The following IGF2R variants were observed in gnomAD, a reference collection of about 807,000 sequenced individuals.
IGF2R encodes cation-independent mannose-6-phosphate receptor.
A neutral mutation model predicts 270.6 loss-of-function variants in IGF2R; 91 were observed. The ratio of observed to expected loss-of-function variants is 0.34; its 90% confidence interval spans 0.28 to 0.40. The LOEUF is 0.40. Among genes scored for constraint, IGF2R ranks in the 10% least tolerant of loss-of-function variants. IGF2R has a pLI of 1.00. For missense variants in IGF2R, 2,805 were observed against 3,188.3 expected, an observed-to-expected ratio of 0.88 and a Z score of 2.90; for synonymous variants, 1,316 against 1,258.9, an observed-to-expected ratio of 1.05 and a Z score of -0.96.
At chr6:160,010,636 C>G in intron 3 of IGF2R, 51 bp from the exon 4 acceptor site, 1 of 1,108,564 alleles carries the variant, frequency 9.0e-7, no homozygotes, top group East Asian at 2.4e-5. Flanking sequence ...AAAGAAGAAT[C>G]TTTACAATGT....
rs1350396726 is a variant in IGF2R, at chr6:160,105,592, A to G, written c.*508A>G. On this transcript the variant is annotated 3_prime_UTR_variant, in exon 48 of 48. Transcript: ENST00000356956. ...CTTGAGATGGTGAGGCTGTCAGTGTATGGGGCAGCTTCCGGCGGGATGTTG... is the reference window on the plus strand; with the variant it reads ...CTTGAGATGGTGAGGCTGTCAGTGTGTGGGGCAGCTTCCGGCGGGATGTTG... The G allele has an allele frequency of 1.3e-5, 2 of 154,482 alleles. No homozygotes were observed. The highest frequency in any genetic ancestry group is 4.8e-5 in the African/African-American group (2 of 41,382). The allele number at this position is 154,482 out of a possible 1,614,324, so 9.6% of individuals were successfully genotyped here.
At chr6:160,047,734 T>A in intron 16 of IGF2R, 58 bp from the exon 17 acceptor site, 2 of 1,083,470 alleles carry the variant, frequency 1.8e-6, no homozygotes, top group Non-Finnish European at 2.9e-6. Flanking sequence ...TGAATCCTGG[T>A]TTTATGTCAC....
At chr6:160,079,508 T>C (rs1010128362) in intron 37 of IGF2R, 72 bp from the exon 38 acceptor site, 5 of 1,082,756 alleles carry the variant, frequency 4.6e-6, no homozygotes, top group Non-Finnish European at 6.1e-6. Context: ...TCAGCTGCAA[T>C]AGTGGTTCTC....
intron 2 of IGF2R, among the ~76,000 whole-genome samples, chr6:159,993,763 A>G (rs942590311): frequency 6.6e-6 from 1 of 152,178 alleles, no homozygotes; most frequent in East Asian, 1.9e-4. Context: ...TCTGTGAAAA[A>G]TGACATTGGT....
At chr6:160,095,618 G>T (rs1779339500) in intron 44 of IGF2R, 1 of 152,188 alleles carries the variant, frequency 6.6e-6, no homozygotes, top group Non-Finnish European at 1.5e-5. Context: ...TAATCCCTTA[G>T]AAACAAGAGG....
At chr6:160,072,550 G>A (rs1035608110) in intron 32 of IGF2R, among the ~76,000 whole-genome samples, 2 of 152,194 alleles carry the variant, frequency 1.3e-5, no homozygotes, top group African/African-American at 4.8e-5. Context: ...TGTGAGCCAC[G>A]ATCTTTTCAG....
At position 160,009,985 on chromosome 6, in the gene IGF2R, C is replaced by CTTAAA. The variant is rs57778954; in HGVS notation, c.415-702_415-701insTTAAA. Among the ~76,000 whole-genome samples the CTTAAA allele has an allele frequency of 5.9e-5, 9 of 151,482 alleles. No homozygotes were observed. The East Asian group carries it at 1.2e-3, about 20-fold the overall frequency. On this transcript the variant is annotated intron_variant, in intron 3 of 47. Transcript: ENST00000356956. The stretch of plus-strand genomic sequence containing the variant: ...ATTGCATCGTTGTGCATATTGAGAC[C>CTTAAA]CAAAAAAGAATCTGTTCGCAGCAGC...
At chr6:160,013,543 C>G (rs1490528916) in intron 4 of IGF2R, among the ~76,000 whole-genome samples, 2 of 151,904 alleles carry the variant, frequency 1.3e-5, no homozygotes, top group Non-Finnish European at 2.9e-5. Flanking sequence ...ATTGAAGATG[C>G]ATGAGAAACA....
rs777764693 is a variant in IGF2R, at chr6:160,096,423, C to T, written c.6656-16C>T. ...AATGATGGTGACATGCCATGTGTGC[C>T]CTTCCCGTTTGACAGACGGCGATCT... On this transcript the variant is annotated splice_polypyrimidine_tract_variant and intron_variant, in intron 44 of 47. Coordinates refer to ENST00000356956, the MANE Select transcript of IGF2R (RefSeq NM_000876.4). The T allele has an allele frequency of 3.1e-6, 5 of 1,603,378 alleles. No individual in the cohort carries two copies. The Admixed American group carries it at 6.7e-5, about 22-fold the overall frequency.
Position 160,105,231 on chromosome 6 carries a change from G to A in IGF2R, c.*147G>A. On this transcript the variant is annotated 3_prime_UTR_variant, in exon 48 of 48. Transcript: ENST00000356956. ...GAGTTTTTGTGATGGGGGAGAGGGTGAAGGAGGTCAGGCCCCACTCCTTCC... is the reference window on the plus strand; with the variant it reads ...GAGTTTTTGTGATGGGGGAGAGGGTAAAGGAGGTCAGGCCCCACTCCTTCC... The A allele has an allele frequency of 3.0e-6, 2 of 666,048 alleles. No homozygotes were observed. The highest frequency in any genetic ancestry group is 2.0e-5 in the South Asian group (1 of 50,088). 41.3% of individuals were successfully genotyped at this position (666,048 alleles called of 1,614,324 possible).
At chr6:160,024,492 GT>G in intron 4 of IGF2R, 79 bp from the exon 5 acceptor site, 1 of 1,355,894 alleles carries the variant, frequency 7.4e-7, no homozygotes. Context: ...GGAGAGCAGT[GT>G]TGTGTGACAT....
chr6:160,108,250 A>T lies in IGF2R; in HGVS notation c.*3166A>T, dbSNP rs889543538. ...CAGTTCTGGACATTGTTCTGTGAGA[A>T]TGGGGTCAACGGGCAGTCGTGGTGC... On this transcript the variant is annotated 3_prime_UTR_variant, in exon 48 of 48. Coordinates refer to ENST00000356956, the MANE Select transcript of IGF2R (RefSeq NM_000876.4). The T allele has an allele frequency of 1.3e-5, 2 of 152,380 alleles. No homozygotes were observed. The highest frequency in any genetic ancestry group is 4.8e-5 in the African/African-American group (2 of 41,438). The allele number at this position is 152,380 out of a possible 1,614,324, so 9.4% of individuals were successfully genotyped here. A position where few individuals can be genotyped will look rare whatever the true frequency, so the allele number is the denominator to read the frequency against.
chr6:160,035,433 G>A (rs1280245961), intron 10 of IGF2R, among the ~76,000 whole-genome samples: 9 of 152,196 alleles, frequency 5.9e-5, no homozygotes, highest in South Asian at 2.1e-4. Flanking sequence ...TCAGGTCTGC[G>A]TTGGGAGAGA....
chr6:160,028,208 G>T (rs1429816623), intron 6 of IGF2R, among the ~76,000 whole-genome samples: 1 of 152,318 alleles, frequency 6.6e-6, no homozygotes, highest in Non-Finnish European at 1.5e-5. Context: ...TCCTTGGCTC[G>T]TTAGATGGCC....
intron 20 of IGF2R, 126 bp downstream of exon 20, chr6:160,056,651 C>T (rs1375614503): frequency 5.8e-6 from 4 of 688,002 alleles, no homozygotes; most frequent in Non-Finnish European, 1.0e-5. Context: ...GTTGCATTGA[C>T]AATGGGTGTC....
intron 1 of IGF2R, among the ~76,000 whole-genome samples, chr6:159,978,336 A>G (rs1224091840): frequency 1.3e-5 from 2 of 152,070 alleles, no homozygotes; most frequent in African/African-American, 4.8e-5. Context: ...GAGCTTGATA[A>G]TTCGAGGTGT....
intron 19 of IGF2R, among the ~76,000 whole-genome samples, chr6:160,051,430 G>A (rs1285533680): frequency 6.6e-6 from 1 of 152,166 alleles, no homozygotes; most frequent in African/African-American, 2.4e-5. Flanking sequence ...GGAAATTCCA[G>A]AGAAAGTCTC....
At chr6:159,993,985 A>AGTTTTTT (rs1784015428) in intron 2 of IGF2R, among the ~76,000 whole-genome samples, 1 of 61,030 alleles carries the variant, frequency 1.6e-5, no homozygotes, top group Non-Finnish European at 3.1e-5. Flanking sequence ...CTCCAACTTG[A>AGTTTTTT]TTTTTTTTTT....
chr6:160,006,030 CT>C (rs1268038696), intron 2 of IGF2R: 1 of 159,110 alleles, frequency 6.3e-6, no homozygotes, highest in Non-Finnish European at 1.4e-5. Flanking sequence ...CTCCCCACCC[CT>C]GTGCCTCTCT....
Sources: allele counts gnomAD v4.1 joint callset (sites outside exome capture counted in the v4.1 genomes callset), GRCh38; gene constraint gnomAD v4.1.1; transcripts MANE v1.5; gene names NCBI Gene and HGNC (gene_info 2026-07-23, HGNC 2026-07-21).